The following ZC3H13 variants were observed in gnomAD, a reference collection of about 807,000 sequenced individuals.
The protein encoded by ZC3H13 is zinc finger CCCH-type containing 13.
ZC3H13 carries 64 observed loss-of-function variants against 204.1 expected under a neutral mutation model. The observed-to-expected ratio is 0.31, with a 90% CI of 0.26 to 0.39. The LOEUF (loss-of-function observed/expected upper bound fraction) is 0.39, where lower values mean the gene tolerates loss of function less well. Ranked by LOEUF, ZC3H13 falls within the 10% of genes least tolerant of loss-of-function variation. The pLI is 1.00. For synonymous variants in ZC3H13, 667 were observed against 693.7 expected (o/e 0.96, Z 0.60); for missense variants, 1,833 against 2,082.7 (o/e 0.88, Z 2.33).
chr13:46,001,689 G>A (rs986321313), intron 8 of ZC3H13, among the ~76,000 whole-genome samples: 1 of 152,050 alleles, frequency 6.6e-6, no homozygotes, highest in Admixed American at 6.6e-5. Flanking sequence ...AACTCTCAGA[G>A]ACTTCTTAGT....
In ZC3H13 at chr13:45,980,577, A is replaced by T. The variant is rs538873806; in HGVS notation, c.1721-573T>A. 1.8e-4 allele frequency among the ~76,000 whole-genome samples: 27 copies of T among 152,362 alleles called. 1 individual carries two copies. In the South Asian group the frequency reaches 5.4e-3, roughly 30 times the overall value. ...AAACTGTGGCACATGCATGCCATGG[A>T]ATACTATTCGGCAATAAAAATGAAT... On this transcript the variant is annotated intron_variant, in intron 10 of 18. Transcript: ENST00000679008.
At chr13:45,959,758 G>C (rs1245945669) in intron 17 of ZC3H13, 112 bp from the exon 18 acceptor site, 1 of 1,208,246 alleles carries the variant, frequency 8.3e-7, no homozygotes, top group Non-Finnish European at 1.1e-6. Context: ...AGCAACATTG[G>C]TGAAAATTAT....
chr13:45,962,348 G>A, intron 17 of ZC3H13: 1 of 985,414 alleles, frequency 1.0e-6, no homozygotes, highest in Non-Finnish European at 1.2e-6. Context: ...GGGCCGAACT[G>A]TATTTCATGG....
Sources: allele counts gnomAD v4.1 joint callset (sites outside exome capture counted in the v4.1 genomes callset), GRCh38; gene constraint gnomAD v4.1.1; transcripts MANE v1.5; gene names NCBI Gene and HGNC (gene_info 2026-07-23, HGNC 2026-07-21).